The following TCF3 variants were observed in gnomAD, a reference collection of about 807,000 sequenced individuals.
The protein encoded by TCF3 is transcription factor E2-alpha.
A neutral mutation model predicts 72.3 loss-of-function variants in TCF3; 54 were observed. That is an observed-to-expected ratio of 0.75 (90% CI 0.60 to 0.94). TCF3 has a LOEUF of 0.94. Among genes scored for constraint, TCF3 ranks in the 40% least tolerant of loss-of-function variants. TCF3 has a pLI of 0.00. For missense variants in TCF3, 1,078 were observed against 934.4 expected (o/e 1.15, Z -2.00); for synonymous variants, 525 against 412.6 (o/e 1.27, Z -3.30).
In TCF3 at chr19:1,621,897, G is replaced by A; in HGVS notation, c.896C>T (p.Ala299Val). 1.9e-6 allele frequency: 3 copies of A among 1,598,486 alleles called. No homozygotes were observed. Among genetic ancestry groups the A allele is most frequent in the Non-Finnish European group, 2.6e-6 (3 of 1,174,170 alleles). ...GTGGCTGGAGACGCCGCCGTACGTG[G>A]CTCCGGGGGCTGAGGAGAAGGAGGA... ...SASSFSSAPG[A>V]TYGGVSSHTP... is the part of the protein sequence containing the mutation. Residue 299 changes from alanine (A) to valine (V), a missense_variant, in exon 11 of 19, where the codon GCC becomes GTC. Transcript: ENST00000262965.
rs2060880399 is a variant in TCF3 at position 1,610,086 on chromosome 19, C to T, written c.*1621G>A. ...TTGCAGTTTTAAACCCAAGACAGTC[C>T]CCAGCCAGCTGGGAAGAGCTGGTTA... On this transcript the variant is annotated 3_prime_UTR_variant, in exon 19 of 19. Transcript: ENST00000262965. The T allele has an allele frequency of 4.3e-6, 1 of 232,612 alleles. No homozygotes were observed. The highest frequency in any genetic ancestry group is 8.5e-6 in the Non-Finnish European group (1 of 117,758). The allele number at this position is 232,612 out of a possible 1,614,324, so 14.4% of individuals were successfully genotyped here. A position where few individuals can be genotyped will look rare whatever the true frequency, so the allele number is the denominator to read the frequency against.
intron 6 of TCF3, among the ~76,000 whole-genome samples, 173 bp from the exon 7 acceptor site, chr19:1,625,881 G>A (rs1479264686): frequency 1.3e-5 from 2 of 152,202 alleles, no homozygotes; most frequent in Admixed American, 1.3e-4. Flanking sequence ...TTTCTGACTT[G>A]AGACTGACCG....
Position 1,611,437 on chromosome 19 carries a change from G to T in TCF3, c.*270C>A, listed in dbSNP as rs1196716987. The stretch of plus-strand genomic sequence containing the variant: ...CCAAGATGCAGTTTCAGGATCCATG[G>T]GACAGGTCACAGAGTGACACGGTGG... On this transcript the variant is annotated 3_prime_UTR_variant, in exon 19 of 19. Transcript: ENST00000262965. The T allele has an allele frequency of 1.2e-5, 5 of 426,188 alleles. No homozygotes were observed. The highest frequency in any genetic ancestry group is 6.1e-5 in the African/African-American group (3 of 49,376). 26.4% of individuals were successfully genotyped at this position (426,188 alleles called of 1,614,324 possible).
At chr19:1,620,831 C>A (rs963252865) in intron 13 of TCF3, 137 bp downstream of exon 13, 17 of 906,046 alleles carry the variant, frequency 1.9e-5, no homozygotes, top group Non-Finnish European at 2.6e-5. Flanking sequence ...TCCCTCCCCG[C>A]TGCCTGCCTA....
At chr19:1,623,551 T>C (rs2062517878) in intron 8 of TCF3, among the ~76,000 whole-genome samples, 1 of 151,962 alleles carries the variant, frequency 6.6e-6, no homozygotes, top group African/African-American at 2.4e-5. Flanking sequence ...GCCCGGCTGA[T>C]TTTTGTATTT....
At chr19:1,638,596 T>C (rs1215713746) in intron 3 of TCF3, among the ~76,000 whole-genome samples, 1 of 152,208 alleles carries the variant, frequency 6.6e-6, no homozygotes, top group Non-Finnish European at 1.5e-5. Context: ...AAGAGAAATA[T>C]ACAGGCTCAA....
At chr19:1,619,273 G>A (rs1041327951) in intron 15 of TCF3, 39 bp from the exon 16 acceptor site, 1 of 1,571,130 alleles carries the variant, frequency 6.4e-7, no homozygotes, top group South Asian at 1.2e-5. Flanking sequence ...GGGGGAGCCG[G>A]GTCCCCGCCC....
intron 5 of TCF3, among the ~76,000 whole-genome samples, chr19:1,631,619 G>A (rs375436547): frequency 1.3e-5 from 2 of 151,980 alleles, no homozygotes; most frequent in Non-Finnish European, 2.9e-5. Context: ...GAAAGAGGGC[G>A]GGCGGGCGGT....
chr19:1,639,787 A>G (rs575737462), intron 3 of TCF3, among the ~76,000 whole-genome samples: 1 of 150,034 alleles, frequency 6.7e-6, no homozygotes, highest in African/African-American at 2.4e-5. Context: ...AACAAATGTC[A>G]GTAATATGAG....
chr19:1,631,801 C>G lies in TCF3; in HGVS notation c.298+237G>C, dbSNP rs562011186. The G allele has an allele frequency of 7.2e-6, 8 of 1,110,470 alleles. No individual in the cohort carries two copies. In the Admixed American group the frequency reaches 1.9e-4, roughly 26 times the overall value. 68.8% of individuals were successfully genotyped at this position (1,110,470 alleles called of 1,614,324 possible). A position where few individuals can be genotyped will look rare whatever the true frequency, so the allele number is the denominator to read the frequency against. On this transcript the variant is annotated intron_variant, in intron 5 of 18. Coordinates refer to ENST00000262965, the MANE Select transcript of TCF3 (RefSeq NM_003200.5). Reference sequence around the variant, plus strand: ...GAGGAAGTGGGGTCTGGAACGGCCTCCCTGCCTCTACGCTCAGGCGGGGAA... The same window carrying G: ...GAGGAAGTGGGGTCTGGAACGGCCTGCCTGCCTCTACGCTCAGGCGGGGAA...
At chr19:1,630,524 C>T (rs1386327120) in intron 5 of TCF3, among the ~76,000 whole-genome samples, 2 of 152,166 alleles carry the variant, frequency 1.3e-5, no homozygotes, top group South Asian at 4.1e-4. Flanking sequence ...TCAGTTTCCC[C>T]GCAAGCCAAC....
chr19:1,629,797 G>A (rs1031870256), intron 5 of TCF3, among the ~76,000 whole-genome samples: 2 of 152,138 alleles, frequency 1.3e-5, no homozygotes, highest in African/African-American at 4.8e-5. Context: ...AAAATTTCCC[G>A]ATTTTTGAAT....
In TCF3 at chr19:1,646,407, G is replaced by A; in HGVS notation, c.93C>T (p.Thr31=). ...DFSMMFPLPV[T]NGKGRPASLA... ...GGGAGGCGGGCCGGCCCTTCCCGTT[G>A]GTGACAGGCAGCGGGAACATCTGCA... Residue 31 remains threonine (T), a synonymous_variant, in exon 3 of 19, where the codon ACC becomes ACT. Coordinates refer to ENST00000262965, the MANE Select transcript of TCF3 (RefSeq NM_003200.5). The A allele has an allele frequency of 6.5e-7, 1 of 1,550,282 alleles. No individual in the cohort carries two copies. The highest frequency in any genetic ancestry group is 2.4e-5 in the East Asian group (1 of 40,904).
At chr19:1,624,702 T>C (rs932052759) in intron 7 of TCF3, among the ~76,000 whole-genome samples, 3 of 152,132 alleles carry the variant, frequency 2.0e-5, no homozygotes, top group Non-Finnish European at 4.4e-5. Flanking sequence ...CTCACGGACG[T>C]GCGCACAGTG....
intron 3 of TCF3, among the ~76,000 whole-genome samples, chr19:1,635,434 G>T (rs940485989): frequency 2.0e-5 from 3 of 152,014 alleles, no homozygotes; most frequent in African/African-American, 7.3e-5. Context: ...ACCGTCCTCA[G>T]GATAAAGACC....
Position 1,615,742 on chromosome 19 carries a change from C to A in TCF3, c.1530G>T (p.Ala510=). The change falls in exon 17 of 19, where the codon GCG becomes GCT. Residue 510 remains alanine (A), a synonymous_variant. Transcript: ENST00000262965. The surrounding 1 kb of genome is among the most constrained non-coding windows in gnomAD (Gnocchi z 7.3). Reference sequence around the variant, plus strand: ...TCTTCTCCTCCTCCGAGTGGTCAGCCGCTGACGTGTTCTCCTCGTCCTCCT... The same window carrying A: ...TCTTCTCCTCCTCCGAGTGGTCAGCAGCTGACGTGTTCTCCTCGTCCTCCT... ...EEKEDEENTS[A]ADHSEEEKKE... is the part of the protein sequence containing the mutation. The A allele has an allele frequency of 6.2e-7, 1 of 1,611,394 alleles. No homozygotes were observed. The highest frequency in any genetic ancestry group is 8.5e-7 in the Non-Finnish European group (1 of 1,178,332).
At chr19:1,644,328 C>T (rs2065758636) in intron 3 of TCF3, among the ~76,000 whole-genome samples, 1 of 152,150 alleles carries the variant, frequency 6.6e-6, no homozygotes, top group Admixed American at 6.5e-5. Flanking sequence ...CCAACTCAGG[C>T]CTTGGAGCTC....
intron 3 of TCF3, among the ~76,000 whole-genome samples, chr19:1,644,523 T>C (rs1219949433): frequency 6.6e-6 from 1 of 152,048 alleles, no homozygotes; most frequent in Non-Finnish European, 1.5e-5. Context: ...CGCCCTAACG[T>C]GTGAGGGGAC....
chr19:1,636,614 T>C (rs1262114039), intron 3 of TCF3, among the ~76,000 whole-genome samples: 1 of 152,156 alleles, frequency 6.6e-6, no homozygotes, highest in Non-Finnish European at 1.5e-5. Flanking sequence ...ATTCAAGCTA[T>C]GGGAGAAGAT....
Sources: gnomAD v4.1 joint callset for allele counts (sites outside exome capture counted in the v4.1 genomes callset) on GRCh38, gnomAD v4.1.1 for gene constraint, Gnocchi (gnomAD v3.1) non-coding constraint, MANE v1.5 for transcripts, NCBI Gene and HGNC (gene_info 2026-07-23, HGNC 2026-07-21) for gene names.